Variants in COL22A1 observed in about 807,000 individuals in gnomAD.
COL22A1 encodes collagen type XXII alpha 1 chain.
COL22A1 carries 221 observed loss-of-function variants against 248.9 expected under a neutral mutation model. The ratio of observed to expected loss-of-function variants is 0.89; its 90% CI spans 0.80 to 0.99. COL22A1 has a LOEUF of 0.99. COL22A1 is among the 50% of genes least tolerant of loss of function. The pLI is 0.00. For missense variants in COL22A1, 2,240 were observed against 2,179.0 expected, an observed-to-expected ratio of 1.03 and a Z score of -0.56; for synonymous variants, 891 against 793.4, an observed-to-expected ratio of 1.12 and a Z score of -2.07.
chr8:138,651,819 C>T (rs1438359995), intron 45 of COL22A1, among the ~76,000 whole-genome samples: 1 of 152,070 alleles, frequency 6.6e-6, no homozygotes, highest in Non-Finnish European at 1.5e-5. Flanking sequence ...TAAAGGGTGC[C>T]CTGGTGATAG....
At chr8:138,619,090 T>C (rs1488845252) in intron 53 of COL22A1, among the ~76,000 whole-genome samples, 3 of 152,162 alleles carry the variant, frequency 2.0e-5, no homozygotes, top group South Asian at 2.1e-4. Flanking sequence ...CATTAGGCTA[T>C]GAGAATGGGT....
At position 138,762,550 on chromosome 8, in the gene COL22A1, T is replaced by C. The variant is rs556436884; in HGVS notation, c.1804-84A>G. Reference sequence around the variant, plus strand: ...GCACACATCCCCACAGTGACCGTCATGGACAAGGAGGGTGGGGAAAAGGTG... The same window carrying C: ...GCACACATCCCCACAGTGACCGTCACGGACAAGGAGGGTGGGGAAAAGGTG... On this transcript the variant is annotated intron_variant, in intron 16 of 64. Coordinates refer to ENST00000303045, the MANE Select transcript of COL22A1 (RefSeq NM_152888.3). 1.3e-4 allele frequency: 167 copies of C among 1,330,104 alleles called. 3 individuals carry two copies. In the African/African-American group the frequency reaches 2.2e-3, roughly 17 times the overall value. The allele number at this position is 1,330,104 out of a possible 1,614,324, so 82.4% of individuals were successfully genotyped here. A position where few individuals can be genotyped will look rare whatever the true frequency, so the allele number is the denominator to read the frequency against.
chr8:138,838,674 A>AAAAC (rs1402984313), intron 4 of COL22A1, among the ~76,000 whole-genome samples: 2 of 152,044 alleles, frequency 1.3e-5, no homozygotes, highest in East Asian at 3.9e-4. Context: ...GGGCACCAAA[A>AAAAC]AAAAAAAAAG....
chr8:138,854,405 ATT>A (rs1821863326), intron 3 of COL22A1, among the ~76,000 whole-genome samples: 1 of 152,124 alleles, frequency 6.6e-6, no homozygotes, highest in Non-Finnish European at 1.5e-5. Flanking sequence ...TTCCTGAAGG[ATT>A]TTGACATTCC....
intron 17 of COL22A1, among the ~76,000 whole-genome samples, chr8:138,761,587 A>G (rs1012239238): frequency 7.1e-6 from 1 of 140,438 alleles, no homozygotes; most frequent in African/African-American, 2.8e-5. Context: ...ATTAACATAT[A>G]TATTTTATCT....
At chr8:138,622,264 A>G (rs537824241) in intron 52 of COL22A1, among the ~76,000 whole-genome samples, 1 of 152,174 alleles carries the variant, frequency 6.6e-6, no homozygotes, top group African/African-American at 2.4e-5. Context: ...TTTCTACATT[A>G]TATGATTACC....
At chr8:138,708,927 A>T (rs1828710444) in intron 30 of COL22A1, among the ~76,000 whole-genome samples, 1 of 104,232 alleles carries the variant, frequency 9.6e-6, no homozygotes, top group Admixed American at 1.2e-4. Flanking sequence ...CAAAGAACTT[A>T]AACAAATTTA....
At chr8:138,893,556 C>T (rs1194271892) in intron 1 of COL22A1, among the ~76,000 whole-genome samples, 1 of 152,176 alleles carries the variant, frequency 6.6e-6, no homozygotes, top group Non-Finnish European at 1.5e-5. Context: ...AACGATATCC[C>T]CTACTTCAGC....
chr8:138,630,601 G>T, intron 50 of COL22A1, 94 bp downstream of exon 50: 1 of 1,007,232 alleles, frequency 9.9e-7, no homozygotes, highest in Non-Finnish European at 1.6e-6. Context: ...AGCCACAGGA[G>T]GCACACAGGA....
intron 64 of COL22A1, among the ~76,000 whole-genome samples, chr8:138,590,351 T>G (rs2131762983): frequency 6.6e-6 from 1 of 152,300 alleles, no homozygotes; most frequent in South Asian, 2.1e-4. Flanking sequence ...AGATCAAGTT[T>G]TGAGGCCTCA....
At chr8:138,646,007 T>C (rs1822173915) in intron 47 of COL22A1, among the ~76,000 whole-genome samples, 1 of 152,174 alleles carries the variant, frequency 6.6e-6, no homozygotes, top group Non-Finnish European at 1.5e-5. Context: ...AGCTAAATAC[T>C]AACACCACCA....
intron 53 of COL22A1, among the ~76,000 whole-genome samples, chr8:138,618,766 T>C (rs181658676): frequency 1.9e-4 from 29 of 152,286 alleles, no homozygotes; most frequent in African/African-American, 4.3e-4. Flanking sequence ...AAAAGCAATT[T>C]AAGAAATTGT....
intron 1 of COL22A1, among the ~76,000 whole-genome samples, chr8:138,902,506 C>A (rs189857178): frequency 3.3e-4 from 50 of 151,862 alleles, no homozygotes; most frequent in African/African-American, 1.1e-3. Context: ...GACCATCCTG[C>A]CTAACATGGT....
chr8:138,812,220 C>G (rs1052272437), intron 8 of COL22A1, among the ~76,000 whole-genome samples: 1 of 152,200 alleles, frequency 6.6e-6, no homozygotes, highest in African/African-American at 2.4e-5. Context: ...TTCTGTTCTT[C>G]CCTCACCCTC....
At chr8:138,816,470 A>C (rs1818698399) in intron 7 of COL22A1, among the ~76,000 whole-genome samples, 1 of 152,112 alleles carries the variant, frequency 6.6e-6, no homozygotes, top group Non-Finnish European at 1.5e-5. Flanking sequence ...GGCTCCCTGG[A>C]TCCCAGCTTC....
intron 3 of COL22A1, among the ~76,000 whole-genome samples, chr8:138,874,971 C>G (rs1020614367): frequency 6.6e-6 from 1 of 152,160 alleles, no homozygotes; most frequent in Non-Finnish European, 1.5e-5. Context: ...TTCCTGCGTA[C>G]CTCAGTATCC....
At position 138,591,450 on chromosome 8, in the gene COL22A1, C is replaced by A; in HGVS notation, c.4667G>T (p.Gly1556Val). The stretch of plus-strand genomic sequence containing the variant: ...TGGGATTCCAGGGGGTCCCATCTCG[C>A]CTCGGAGGCCAACTCCAGGTGCACC... The part of the protein sequence containing the change: ...DPGAPGVGLR[G>V]EMGPPGIPGQ... Residue 1556 changes from glycine to valine, a missense_variant, in exon 64 of 65, where the codon GGC (glycine) becomes GTC (valine). By Grantham distance (109) the Gly-to-Val change is moderately radical (BLOSUM62 -3). Coordinates refer to ENST00000303045, the MANE Select transcript of COL22A1 (RefSeq NM_152888.3). 6.3e-7 allele frequency: 1 copy of A among 1,582,484 alleles called. No homozygotes were observed. The highest frequency in any genetic ancestry group is 8.6e-7 in the Non-Finnish European group (1 of 1,164,208).
chr8:138,687,304 G>C (rs1273178882), intron 37 of COL22A1, among the ~76,000 whole-genome samples: 1 of 152,246 alleles, frequency 6.6e-6, no homozygotes, highest in Non-Finnish European at 1.5e-5. Context: ...AAACCCAAGA[G>C]AGTCTTCATA....
intron 45 of COL22A1, among the ~76,000 whole-genome samples, chr8:138,651,233 C>T (rs964641684): frequency 6.6e-6 from 1 of 152,178 alleles, no homozygotes; most frequent in African/African-American, 2.4e-5. Flanking sequence ...GGAATCCTCA[C>T]TACTGAAGTA....
Sources: allele counts gnomAD v4.1 joint callset (sites outside exome capture counted in the v4.1 genomes callset), GRCh38; gene constraint gnomAD v4.1.1; transcripts MANE v1.5; gene names NCBI Gene and HGNC (gene_info 2026-07-23, HGNC 2026-07-21).